The following NSD3 variants were observed in gnomAD, a reference collection of about 807,000 sequenced individuals.
NSD3 encodes the protein histone-lysine N-methyltransferase NSD3.
A neutral mutation model predicts 160.8 loss-of-function variants in NSD3; 24 were observed. The observed-to-expected ratio is 0.15, with a 90% CI of 0.11 to 0.21. The LOEUF is 0.21. Ranked by LOEUF, NSD3 falls within the 10% of genes least tolerant of loss-of-function variation. NSD3 has a pLI of 1.00. For missense variants in NSD3, 1,157 were observed against 1,735.9 expected, an observed-to-expected ratio of 0.67 and a Z score of 5.93; for synonymous variants, 520 against 600.0, an observed-to-expected ratio of 0.87 and a Z score of 1.95.
At position 38,316,923 on chromosome 8, in the gene NSD3, T is replaced by A; in HGVS notation, c.1856-881A>T. 1.9e-6 allele frequency: 2 copies of A among 1,062,304 alleles called. No homozygotes were observed. The highest frequency in any genetic ancestry group is 2.3e-6 in the Non-Finnish European group (2 of 877,230). The allele number at this position is 1,062,304 out of a possible 1,614,324, so 65.8% of individuals were successfully genotyped here. ...ATAGGCTATACAGAAACAGCCACGA[T>A]GAAATGTGCAGATCAGGCACGGTGA... is the stretch of plus-strand genomic sequence containing the variant. On this transcript the variant is annotated intron_variant, in intron 9 of 23. Coordinates refer to ENST00000317025, the MANE Select transcript of NSD3 (RefSeq NM_023034.2). The surrounding 1 kb of genome is among the most constrained non-coding windows in gnomAD (Gnocchi z 4.5).
Position 38,274,632 on chromosome 8 carries a change from G to T in NSD3, c.*1009C>A, listed in dbSNP as rs1233854011. 1 of 152,190 alleles carries T rather than the reference G, an allele frequency of 6.6e-6. No homozygotes were observed. Among genetic ancestry groups the T allele is most frequent in the African/African-American group, 2.4e-5 (1 of 41,440 alleles). 9.4% of individuals were successfully genotyped at this position (152,190 alleles called of 1,614,324 possible). A position where few individuals can be genotyped will look rare whatever the true frequency, so the allele number is the denominator to read the frequency against. The stretch of plus-strand genomic sequence containing the variant: ...ATGACTGAATGGTCAGATGACAAAA[G>T]AAATGTTTGAGTAGGAGAGGAAAAC... On this transcript the variant is annotated 3_prime_UTR_variant, in exon 24 of 24. Transcript: ENST00000317025.
intron 12 of NSD3, among the ~76,000 whole-genome samples, chr8:38,307,114 C>CAAAAAAAAA (rs1194554014): frequency 6.2e-5 from 4 of 64,162 alleles, no homozygotes; most frequent in Non-Finnish European, 6.8e-5. Flanking sequence ...GATACCGTCT[C>CAAAAAAAAA]AAAAAAAAAA....
At position 38,321,249 on chromosome 8, in the gene NSD3, C is replaced by A. The variant is rs2234555; in HGVS notation, c.1709-77G>T. 254,332 of 1,169,716 alleles carry A rather than the reference C, an allele frequency of 0.22. 29,279 individuals carry two copies. The highest frequency in any genetic ancestry group is 0.31 in the East Asian group (12,557 of 40,336). The allele number at this position is 1,169,716 out of a possible 1,614,324, so 72.5% of individuals were successfully genotyped here. The stretch of plus-strand genomic sequence containing the variant: ...CATCTATGTAATTAAGATATGACCA[C>A]ATTCCTTGCTTTTCTTACCCATTAC... On this transcript the variant is annotated intron_variant, in intron 7 of 23. Coordinates refer to ENST00000317025, the MANE Select transcript of NSD3 (RefSeq NM_023034.2). The surrounding 1 kb of genome is among the most constrained non-coding windows in gnomAD (Gnocchi z 4.7).
chr8:38,291,449 A>G (rs1375967938), intron 16 of NSD3, among the ~76,000 whole-genome samples: 1 of 152,176 alleles, frequency 6.6e-6, no homozygotes, highest in Non-Finnish European at 1.5e-5. Flanking sequence ...AATTTTTTGA[A>G]TCTCTTATTT....
intron 12 of NSD3, among the ~76,000 whole-genome samples, chr8:38,306,542 A>G (rs1809397151): frequency 6.6e-6 from 1 of 152,228 alleles, no homozygotes; most frequent in Admixed American, 6.5e-5. Flanking sequence ...AAAGACAAAC[A>G]GATGTAGGGA....
At chr8:38,289,538 C>G (rs966813982) in intron 17 of NSD3, 33 bp from the exon 18 acceptor site, 1 of 1,584,428 alleles carries the variant, frequency 6.3e-7, no homozygotes, top group South Asian at 1.1e-5. Context: ...TATGTAAATA[C>G]CAAAAACCAA....
At chr8:38,298,462 A>G (rs1024810379) in intron 15 of NSD3, among the ~76,000 whole-genome samples, 7 of 152,202 alleles carry the variant, frequency 4.6e-5, no homozygotes, top group Non-Finnish European at 8.8e-5. Flanking sequence ...GATGTCTGAC[A>G]AAGAGCAAAG....
At chr8:38,283,699 C>T (rs192833236) in intron 19 of NSD3, among the ~76,000 whole-genome samples, 1 of 152,318 alleles carries the variant, frequency 6.6e-6, no homozygotes, top group East Asian at 1.9e-4. Flanking sequence ...CACCGGTCTG[C>T]TTCACGGAGC....
chr8:38,376,385 C>G (rs1280668300), intron 1 of NSD3, among the ~76,000 whole-genome samples: 6 of 151,978 alleles, frequency 3.9e-5, no homozygotes, highest in African/African-American at 2.4e-5. Context: ...TATACTTAAC[C>G]TTAAGTTTGC....
At chr8:38,374,665 C>T (rs1811344321) in intron 1 of NSD3, among the ~76,000 whole-genome samples, 1 of 152,044 alleles carries the variant, frequency 6.6e-6, no homozygotes, top group Non-Finnish European at 1.5e-5. Context: ...TCTATTTGGC[C>T]TGAAGGGGTC....
intron 1 of NSD3, among the ~76,000 whole-genome samples, chr8:38,351,683 A>G (rs1421799629): frequency 1.3e-5 from 2 of 151,766 alleles, no homozygotes; most frequent in Admixed American, 6.6e-5. Flanking sequence ...AAAAAATACT[A>G]TGCAGCCATA....
intron 23 of NSD3, 189 bp from the exon 24 acceptor site, chr8:38,276,071 C>G (rs914553246): frequency 2.1e-5 from 16 of 779,078 alleles, no homozygotes; most frequent in Non-Finnish European, 3.2e-5. Context: ...TGGCCAAAAC[C>G]CAACGCCACA....
intron 2 of NSD3, among the ~76,000 whole-genome samples, chr8:38,347,241 C>T (rs946425223): frequency 2.0e-5 from 3 of 152,118 alleles, no homozygotes; most frequent in Non-Finnish European, 2.9e-5. Context: ...ATAAAAATAA[C>T]CGAGGTCATC....
rs762409504 is a variant in NSD3 at position 38,299,597 on chromosome 8, G to A, written c.2612-7C>T. 6 of 1,517,344 alleles carry A rather than the reference G, an allele frequency of 4.0e-6. No homozygotes were observed. Among genetic ancestry groups the A allele is most frequent in the African/African-American group, 2.8e-5 (2 of 71,268 alleles). 94.0% of individuals were successfully genotyped at this position (1,517,344 alleles called of 1,614,324 possible). A position where few individuals can be genotyped will look rare whatever the true frequency, so the allele number is the denominator to read the frequency against. ...TGGTCCTGAACTATCAGCCCTATAC[G>A]AAACAAACAGAAAGAGATGAGCTGC... On this transcript the variant is annotated splice_polypyrimidine_tract_variant and splice_region_variant and intron_variant, in intron 14 of 23. Coordinates refer to ENST00000317025, the MANE Select transcript of NSD3 (RefSeq NM_023034.2).
chr8:38,334,981 A>T (rs1167127357), intron 4 of NSD3, among the ~76,000 whole-genome samples: 3 of 132,896 alleles, frequency 2.3e-5, no homozygotes, highest in Non-Finnish European at 3.2e-5. Flanking sequence ...CCAGGCTAGA[A>T]TTTTTTTTTT....
In NSD3 at chr8:38,315,468, G is replaced by T; in HGVS notation, c.2063C>A (p.Ser688Ter). Residue 688 changes from serine to a stop codon, truncating the protein, a stop_gained, in exon 11 of 24, where the codon TCA becomes TAA. Coordinates refer to ENST00000317025, the MANE Select transcript of NSD3 (RefSeq NM_023034.2). LOFTEE classifies it high-confidence loss of function. The part of the protein sequence containing the change: ...ADVSDVQSMD[S>*]SLSRRGTGMS... The stretch of plus-strand genomic sequence containing the variant: ...TCCAGTGCCTCTTCTCGACAAACTT[G>T]AATCCATGGACTGCACATCAGAAAC... The T allele has an allele frequency of 1.2e-6, 2 of 1,607,098 alleles. No individual in the cohort carries two copies. The highest frequency in any genetic ancestry group is 2.2e-5 in the South Asian group (2 of 89,426).
intron 1 of NSD3, among the ~76,000 whole-genome samples, chr8:38,366,220 CTT>C (rs1277087401): frequency 6.6e-6 from 1 of 150,592 alleles, no homozygotes; most frequent in East Asian, 2.0e-4. Context: ...GATTAAAAGA[CTT>C]TTAAAATATT....
chr8:38,288,835 C>T lies in NSD3; in HGVS notation c.3232-79G>A. The T allele has an allele frequency of 6.5e-7, 1 of 1,544,224 alleles. No individual in the cohort carries two copies. Among genetic ancestry groups the T allele is most frequent in the Non-Finnish European group, 8.8e-7 (1 of 1,136,418 alleles). On this transcript the variant is annotated intron_variant, in intron 18 of 23. Coordinates refer to ENST00000317025, the MANE Select transcript of NSD3 (RefSeq NM_023034.2). This position sits in a 1 kb window ranked among gnomAD's most constrained non-coding sequence, Gnocchi z 4.5. ...TGTGAACAGGAACATCTAAAACATCCACGCTACTGCCTCGTGGTGCTACTC... is the reference window on the plus strand; with the variant it reads ...TGTGAACAGGAACATCTAAAACATCTACGCTACTGCCTCGTGGTGCTACTC...
In NSD3 at chr8:38,273,009, T is replaced by C. The variant is rs1808520230; in HGVS notation, c.*2632A>G. The stretch of plus-strand genomic sequence containing the variant: ...TTTTTAGACCATTAAAGAACATTCA[T>C]GGCCAAAGACTTCAGAACTATGGTT... On this transcript the variant is annotated 3_prime_UTR_variant, in exon 24 of 24. Coordinates refer to ENST00000317025, the MANE Select transcript of NSD3 (RefSeq NM_023034.2). 1 of 152,214 alleles carries C rather than the reference T, an allele frequency of 6.6e-6. No homozygotes were observed. Among genetic ancestry groups the C allele is most frequent in the African/African-American group, 2.4e-5 (1 of 41,442 alleles). 9.4% of individuals were successfully genotyped at this position (152,214 alleles called of 1,614,324 possible).
Sources: allele counts gnomAD v4.1 joint callset (sites outside exome capture counted in the v4.1 genomes callset), GRCh38; gene constraint gnomAD v4.1.1; non-coding constraint Gnocchi (gnomAD v3.1); transcripts MANE v1.5; gene names NCBI Gene and HGNC (gene_info 2026-07-23, HGNC 2026-07-21).